PDE3A: variants seen among roughly 807,000 people sequenced by gnomAD.
PDE3A encodes the protein cGMP-inhibited 3',5'-cyclic phosphodiesterase 3A.
PDE3A carries 43 observed loss-of-function variants against 98.3 expected under a neutral mutation model. That is an observed-to-expected ratio of 0.44 (90% CI 0.34 to 0.56). The LOEUF is 0.56. Among genes scored for constraint, PDE3A ranks in the 20% least tolerant of loss-of-function variants. The pLI, the probability that PDE3A is intolerant of heterozygous loss-of-function variation, is 0.01. For synonymous variants in PDE3A, 663 were observed against 567.9 expected, an observed-to-expected ratio of 1.17 and a Z score of -2.38; for missense variants, 1,427 against 1,440.7, an observed-to-expected ratio of 0.99 and a Z score of 0.15.
intron 2 of PDE3A, chr12:20,572,299 G>A (rs562081120): frequency 1.7e-5 from 4 of 241,366 alleles, no homozygotes; most frequent in African/African-American, 9.4e-5. Flanking sequence ...CTGGCTCAGT[G>A]TATTTATTAA....
chr12:20,649,771 C>CA lies in PDE3A; in HGVS notation c.2770-669dup, dbSNP rs138434348. On this transcript the variant is annotated intron_variant, in intron 13 of 15. Coordinates refer to ENST00000359062, the MANE Select transcript of PDE3A (RefSeq NM_000921.5). ...CGAAACACCATCCCTACTAAAAATA[C>CA]AAAAATTGGCCAGGTGTGGTGGCGC... Among the ~76,000 whole-genome samples the CA allele has an allele frequency of 2.2e-3, 327 of 152,038 alleles. 1 individual carries two copies. Among genetic ancestry groups the CA allele is most frequent in the African/African-American group, 7.3e-3 (301 of 41,466 alleles).
chr12:20,644,697 T>C (rs903077200), intron 10 of PDE3A, among the ~76,000 whole-genome samples: 1 of 152,162 alleles, frequency 6.6e-6, no homozygotes, highest in African/African-American at 2.4e-5. Context: ...GGGATATAGA[T>C]GTCAATCTTA....
intron 1 of PDE3A, among the ~76,000 whole-genome samples, chr12:20,412,750 T>G (rs549690224): frequency 6.6e-6 from 1 of 152,308 alleles, no homozygotes; most frequent in East Asian, 1.9e-4. Flanking sequence ...TGAATGACCT[T>G]AAACTCAAGG....
At chr12:20,601,872 C>G (rs1054163703) in intron 2 of PDE3A, among the ~76,000 whole-genome samples, 2 of 151,952 alleles carry the variant, frequency 1.3e-5, no homozygotes, top group African/African-American at 4.8e-5. Flanking sequence ...AGGCAGAATA[C>G]TGCCATCTGT....
intron 1 of PDE3A, among the ~76,000 whole-genome samples, chr12:20,548,628 A>G (rs2121244071): frequency 6.6e-6 from 1 of 152,288 alleles, no homozygotes; most frequent in South Asian, 2.1e-4. Flanking sequence ...TCATCTTAAT[A>G]AAGTTTCTCT....
rs903516409 is a variant in PDE3A, at chr12:20,552,238, C to T, written c.961-4422C>T. On this transcript the variant is annotated intron_variant, in intron 1 of 15. Transcript: ENST00000359062. The surrounding 1 kb of genome is among the most constrained non-coding windows in gnomAD (Gnocchi z 5.1). The stretch of plus-strand genomic sequence containing the variant: ...GTCGGGGAAGCCGGTCAGGGTGGTG[C>T]GCAATGTCAAGGGTGGCAAGAATAG... 10 of 1,613,728 alleles carry T rather than the reference C, an allele frequency of 6.2e-6. No homozygotes were observed. Among genetic ancestry groups the T allele is most frequent in the African/African-American group, 2.7e-5 (2 of 74,900 alleles).
intron 1 of PDE3A, among the ~76,000 whole-genome samples, chr12:20,429,109 G>A (rs1202159486): frequency 6.6e-6 from 1 of 152,152 alleles, no homozygotes; most frequent in East Asian, 1.9e-4. Context: ...TGCAAAAAAT[G>A]CATAAAACAG....
intron 1 of PDE3A, among the ~76,000 whole-genome samples, chr12:20,504,607 C>T (rs1946081869): frequency 6.6e-6 from 1 of 152,090 alleles, no homozygotes; most frequent in African/African-American, 2.4e-5. Flanking sequence ...ATTCCTTTCT[C>T]AAGTATCTGA....
chr12:20,643,873 G>A (rs575528813), intron 10 of PDE3A, among the ~76,000 whole-genome samples: 63 of 151,794 alleles, frequency 4.2e-4, no homozygotes, highest in Non-Finnish European at 7.5e-4. Context: ...TCTGGGCCTG[G>A]GCCTTGGGGT....
At position 20,551,872 on chromosome 12, in the gene PDE3A, T is replaced by G. The variant is rs1000926803; in HGVS notation, c.961-4788T>G. The G allele has an allele frequency of 3.1e-6, 5 of 1,613,572 alleles. No homozygotes were observed. The African/African-American group carries it at 6.7e-5, about 22-fold the overall frequency. On this transcript the variant is annotated intron_variant, in intron 1 of 15. Coordinates refer to ENST00000359062, the MANE Select transcript of PDE3A (RefSeq NM_000921.5). ...CACCAAGGAATGTACCATCATCCCG[T>G]CCAACCACTACGGACCCATCCCGGG...
Position 20,626,535 on chromosome 12 carries a change from G to A in PDE3A, c.1541-3373G>A, listed in dbSNP as rs192838142. 2.5e-3 allele frequency among the ~76,000 whole-genome samples: 377 copies of A among 152,002 alleles called. 7 individuals carry two copies. The highest frequency in any genetic ancestry group is 0.022 in the Admixed American group (334 of 15,274). On this transcript the variant is annotated intron_variant, in intron 5 of 15. Coordinates refer to ENST00000359062, the MANE Select transcript of PDE3A (RefSeq NM_000921.5). ...TTGTGAGATGGATTCTTGCTCTGTC[G>A]CCCAGGCTGGGGTGCAGCAGTGGTG...
intron 1 of PDE3A, among the ~76,000 whole-genome samples, chr12:20,531,979 C>T (rs970494698): frequency 4.0e-5 from 6 of 151,152 alleles, no homozygotes; most frequent in Non-Finnish European, 8.8e-5. Flanking sequence ...GTCCTGTGTG[C>T]AAGTCTAATG....
intron 1 of PDE3A, among the ~76,000 whole-genome samples, chr12:20,441,057 C>T (rs1483241207): frequency 1.3e-5 from 2 of 152,090 alleles, no homozygotes; most frequent in Non-Finnish European, 2.9e-5. Context: ...CAGTGAAGCT[C>T]AGTAAGTTCA....
rs1260162647 is a variant in PDE3A, at chr12:20,427,171, A to C, written c.960+56927A>C. ...TGATTTCATGCATGTCAGCAAAAATAGTTTGATACAGGACTCATTGAATAT... is the reference window on the plus strand; with the variant it reads ...TGATTTCATGCATGTCAGCAAAAATCGTTTGATACAGGACTCATTGAATAT... On this transcript the variant is annotated intron_variant, in intron 1 of 15. Coordinates refer to ENST00000359062, the MANE Select transcript of PDE3A (RefSeq NM_000921.5). 2.6e-5 allele frequency among the ~76,000 whole-genome samples: 4 copies of C among 152,232 alleles called. No homozygotes were observed. The East Asian group carries it at 7.7e-4, about 29-fold the overall frequency.
chr12:20,489,223 G>A (rs940887468), intron 1 of PDE3A, among the ~76,000 whole-genome samples: 1 of 151,922 alleles, frequency 6.6e-6, no homozygotes, highest in Non-Finnish European at 1.5e-5. Flanking sequence ...TTTCATTTGC[G>A]TGCATGGACA....
chr12:20,667,930 G>C (rs901306911), intron 15 of PDE3A, among the ~76,000 whole-genome samples: 16 of 152,182 alleles, frequency 1.1e-4, no homozygotes, highest in Non-Finnish European at 2.2e-4. Context: ...ATTTCCATCT[G>C]AGGTACCGGG....
At chr12:20,447,353 G>C (rs1392722266) in intron 1 of PDE3A, among the ~76,000 whole-genome samples, 1 of 152,202 alleles carries the variant, frequency 6.6e-6, no homozygotes, top group Non-Finnish European at 1.5e-5. Context: ...CTAATAAGAC[G>C]ACTAGTGGCT....
At chr12:20,396,914 A>G (rs1002479865) in intron 1 of PDE3A, among the ~76,000 whole-genome samples, 1 of 152,026 alleles carries the variant, frequency 6.6e-6, no homozygotes. Flanking sequence ...GTGGTCAGAA[A>G]GCCTGGAATT....
intron 1 of PDE3A, among the ~76,000 whole-genome samples, chr12:20,494,015 C>T (rs2060270227): frequency 6.6e-6 from 1 of 152,200 alleles, no homozygotes; most frequent in Non-Finnish European, 1.5e-5. Context: ...CAAGGGGATT[C>T]AGACTATTTT....
Sources: gnomAD v4.1 joint callset for allele counts (sites outside exome capture counted in the v4.1 genomes callset) on GRCh38, gnomAD v4.1.1 for gene constraint, Gnocchi (gnomAD v3.1) non-coding constraint, MANE v1.5 for transcripts, NCBI Gene and HGNC (gene_info 2026-07-23, HGNC 2026-07-21) for gene names.